Variants in PDZRN4 observed in about 807,000 individuals in gnomAD.
PDZRN4 encodes PDZ domain-containing RING finger protein 4.
A neutral mutation model predicts 99.0 loss-of-function variants in PDZRN4; 70 were observed. The ratio of observed to expected loss-of-function variants is 0.71; its 90% CI spans 0.58 to 0.86. The LOEUF (loss-of-function observed/expected upper bound fraction) is 0.86. Ranked by LOEUF, PDZRN4 falls within the 40% of genes least tolerant of loss-of-function variation. The pLI, the probability that PDZRN4 is intolerant of heterozygous loss-of-function variation, is 0.00. For missense variants in PDZRN4, 1,474 were observed against 1,331.2 expected, an observed-to-expected ratio of 1.11 and a Z score of -1.67; for synonymous variants, 551 against 501.6, an observed-to-expected ratio of 1.10 and a Z score of -1.32.
At chr12:41,319,614 G>A (rs1376172179) in intron 3 of PDZRN4, among the ~76,000 whole-genome samples, 1 of 152,082 alleles carries the variant, frequency 6.6e-6, no homozygotes, top group African/African-American at 2.4e-5. Context: ...AAGCTCACAA[G>A]CACACAGGCC....
At chr12:41,409,419 G>C (rs1313985570) in intron 3 of PDZRN4, 1 of 152,148 alleles carries the variant, frequency 6.6e-6, no homozygotes, top group Non-Finnish European at 1.5e-5. Context: ...AGTAGACAGA[G>C]GGATTCATAG....
chr12:41,555,244 A>G (rs1338682905), intron 6 of PDZRN4, among the ~76,000 whole-genome samples: 3 of 150,126 alleles, frequency 2.0e-5, no homozygotes, highest in Non-Finnish European at 1.5e-5. Context: ...AAAAAAAAAA[A>G]AAAAAGAAAA....
chr12:41,364,235 A>C (rs1221265288), intron 3 of PDZRN4, among the ~76,000 whole-genome samples: 1 of 152,044 alleles, frequency 6.6e-6, no homozygotes, highest in Non-Finnish European at 1.5e-5. Flanking sequence ...GTGCTTTTTA[A>C]ATGTACCCTT....
At chr12:41,305,925 A>T (rs1227637393) in intron 3 of PDZRN4, among the ~76,000 whole-genome samples, 1 of 152,204 alleles carries the variant, frequency 6.6e-6, no homozygotes, top group Non-Finnish European at 1.5e-5. Context: ...CTCAAGGTAC[A>T]ATTCCTCTGG....
At chr12:41,379,457 A>C (rs887372603) in intron 3 of PDZRN4, among the ~76,000 whole-genome samples, 15 of 151,060 alleles carry the variant, frequency 9.9e-5, no homozygotes, top group African/African-American at 3.6e-4. Context: ...ATAAAATTAG[A>C]TTGCTTATTT....
chr12:41,293,609 C>T (rs967786030), intron 3 of PDZRN4, among the ~76,000 whole-genome samples: 1 of 152,072 alleles, frequency 6.6e-6, no homozygotes. Context: ...TAATGCATAT[C>T]CCTGGTATGT....
intron 3 of PDZRN4, among the ~76,000 whole-genome samples, chr12:41,417,647 G>A (rs1467548654): frequency 6.6e-6 from 1 of 152,186 alleles, no homozygotes; most frequent in African/African-American, 2.4e-5. Context: ...TAGTGAGAAA[G>A]TATAGAGAGG....
intron 3 of PDZRN4, among the ~76,000 whole-genome samples, chr12:41,427,200 G>A (rs1952544369): frequency 6.6e-6 from 1 of 152,144 alleles, no homozygotes; most frequent in Non-Finnish European, 1.5e-5. Context: ...GAGAAAAATT[G>A]ATGCTCCAAA....
intron 3 of PDZRN4, among the ~76,000 whole-genome samples, chr12:41,499,368 A>G (rs990738060): frequency 1.3e-5 from 2 of 152,150 alleles, no homozygotes; most frequent in Non-Finnish European, 2.9e-5. Context: ...GGGGAAATAA[A>G]CTTATTTATA....
intron 5 of PDZRN4, among the ~76,000 whole-genome samples, chr12:41,536,036 CT>C (rs1271335130): frequency 1.3e-5 from 2 of 152,144 alleles, no homozygotes; most frequent in African/African-American, 4.8e-5. Flanking sequence ...TTCTCGTGGT[CT>C]CCTATTAGAC....
intron 3 of PDZRN4, among the ~76,000 whole-genome samples, chr12:41,346,250 C>G (rs1951854125): frequency 1.3e-5 from 2 of 152,122 alleles, no homozygotes; most frequent in South Asian, 4.1e-4. Flanking sequence ...ATCACGAGGT[C>G]AGGAGATCGA....
chr12:41,208,961 G>A (rs896584247), intron 3 of PDZRN4, among the ~76,000 whole-genome samples: 1 of 151,894 alleles, frequency 6.6e-6, no homozygotes, highest in African/African-American at 2.4e-5. Context: ...TTGGGATTGT[G>A]CAAGTTAAGT....
At chr12:41,522,788 G>A (rs935734046) in intron 5 of PDZRN4, among the ~76,000 whole-genome samples, 3 of 152,086 alleles carry the variant, frequency 2.0e-5, no homozygotes, top group African/African-American at 7.2e-5. Context: ...AATTCAAAAT[G>A]ATCAGTAGCT....
At chr12:41,425,942 A>C (rs1203043231) in intron 3 of PDZRN4, among the ~76,000 whole-genome samples, 4 of 152,180 alleles carry the variant, frequency 2.6e-5, no homozygotes, top group Admixed American at 2.0e-4. Flanking sequence ...CACCAAGTTC[A>C]ACCTGTCTGG....
At chr12:41,493,550 C>G (rs1937930419) in intron 3 of PDZRN4, among the ~76,000 whole-genome samples, 2 of 152,108 alleles carry the variant, frequency 1.3e-5, no homozygotes, top group South Asian at 4.1e-4. Context: ...TCATGTAAAA[C>G]ATGGTTTTCA....
chr12:41,529,299 C>T (rs1034433318), intron 5 of PDZRN4, among the ~76,000 whole-genome samples: 3 of 152,082 alleles, frequency 2.0e-5, no homozygotes, highest in African/African-American at 7.2e-5. Flanking sequence ...ACTCATTTCT[C>T]ATTCCCTTTA....
intron 3 of PDZRN4, among the ~76,000 whole-genome samples, chr12:41,262,175 T>G (rs1231759509): frequency 6.6e-6 from 1 of 152,214 alleles, no homozygotes; most frequent in Non-Finnish European, 1.5e-5. Context: ...CTTCTGGAAC[T>G]CTTTTTCCAT....
intron 7 of PDZRN4, among the ~76,000 whole-genome samples, chr12:41,557,245 T>C (rs1228822761): frequency 6.8e-6 from 1 of 146,804 alleles, no homozygotes; most frequent in Non-Finnish European, 1.5e-5. Flanking sequence ...AGACCAGAGG[T>C]GCTTTGGGAT....
At chr12:41,260,854 A>G (rs973978758) in intron 3 of PDZRN4, among the ~76,000 whole-genome samples, 3 of 152,202 alleles carry the variant, frequency 2.0e-5, no homozygotes, top group Non-Finnish European at 4.4e-5. Flanking sequence ...CATACTTGAA[A>G]TATCCCTGAC....
Sources: allele counts gnomAD v4.1 joint callset (sites outside exome capture counted in the v4.1 genomes callset), GRCh38; gene constraint gnomAD v4.1.1; transcripts MANE v1.5; gene names NCBI Gene and HGNC (gene_info 2026-07-23, HGNC 2026-07-21).